The following FAM178B variants were observed in gnomAD, a reference collection of about 807,000 sequenced individuals.
FAM178B encodes the protein protein FAM178B.
In FAM178B, 82 loss-of-function variants were observed where a neutral mutation model predicts 91.7. That is an observed-to-expected ratio of 0.89 (90% CI 0.75 to 1.07). FAM178B has a LOEUF of 1.07. Ranked by LOEUF, FAM178B falls within the 50% of genes least tolerant of loss-of-function variation. The probability of loss-of-function intolerance (pLI) is 0.00; values close to 1 mark genes in which losing one functional copy is unlikely to be tolerated. For synonymous variants in FAM178B, 368 were observed against 359.4 expected, an observed-to-expected ratio of 1.02 and a Z score of -0.27; for missense variants, 769 against 846.7, an observed-to-expected ratio of 0.91 and a Z score of 1.14.
At chr2:96,967,813 T>G (rs2082163069) in intron 4 of FAM178B, among the ~76,000 whole-genome samples, 186 bp from the exon 5 acceptor site, 1 of 150,810 alleles carries the variant, frequency 6.6e-6, no homozygotes. Context: ...TTACATAGAC[T>G]GTGCTTTCCC....
intron 14 of FAM178B, among the ~76,000 whole-genome samples, chr2:96,887,892 G>C (rs1318976981): frequency 6.6e-6 from 1 of 152,228 alleles, no homozygotes; most frequent in African/African-American, 2.4e-5. Context: ...GAGCAGGCCC[G>C]GGTGCTGCCA....
Position 96,960,386 on chromosome 2 carries a change from T to C in FAM178B, c.789A>G (p.Pro263=). The change falls in exon 6 of 17, where the codon CCA becomes CCG. Residue 263 remains proline (P), a synonymous_variant. Transcript: ENST00000490605. ...ACCTGGGCAGAAACACAGTCTCACCTGGATGGACCGGCGGGATGGTCTGCA... is the reference window on the plus strand; with the variant it reads ...ACCTGGGCAGAAACACAGTCTCACCCGGATGGACCGGCGGGATGGTCTGCA... ...VSLQTIPPVH[P]GETVFLPRCH... The C allele has an allele frequency of 6.4e-7, 1 of 1,551,876 alleles. No homozygotes were observed. Among genetic ancestry groups the C allele is most frequent in the South Asian group, 1.2e-5 (1 of 84,064 alleles).
intron 8 of FAM178B, among the ~76,000 whole-genome samples, chr2:96,931,346 G>A (rs2081535227): frequency 6.6e-6 from 1 of 152,162 alleles, no homozygotes; most frequent in Non-Finnish European, 1.5e-5. Flanking sequence ...GGTCTAGGAG[G>A]AACAGAAGCC....
At chr2:96,882,808 C>T (rs913032593) in intron 14 of FAM178B, among the ~76,000 whole-genome samples, 6 of 152,230 alleles carry the variant, frequency 3.9e-5, no homozygotes, top group Non-Finnish European at 8.8e-5. Context: ...TGTCTGAAGA[C>T]GGGACCCAGC....
In FAM178B at chr2:96,900,943, C is replaced by G. The variant is rs72942918; in HGVS notation, c.1650+1677G>C. ...AGATGCACAGCCTCTAGCCAGAGCA[C>G]CCCTAGTGTAGCTGAGCTGGAAGGG... On this transcript the variant is annotated intron_variant, in intron 13 of 16. Transcript: ENST00000490605. Among the ~76,000 whole-genome samples, 343 of 152,282 alleles carry G rather than the reference C, an allele frequency of 2.3e-3. 2 individuals carry two copies. The highest frequency in any genetic ancestry group is 7.9e-3 in the African/African-American group (330 of 41,556).
At chr2:96,905,940 C>T (rs1265608619) in intron 12 of FAM178B, among the ~76,000 whole-genome samples, 8 of 136,340 alleles carry the variant, frequency 5.9e-5, no homozygotes, top group African/African-American at 8.2e-5. Flanking sequence ...GGTGCGATAT[C>T]GGCTCACCGC....
chr2:96,925,185 C>T (rs1454515567), intron 9 of FAM178B, among the ~76,000 whole-genome samples: 1 of 152,162 alleles, frequency 6.6e-6, no homozygotes, highest in Non-Finnish European at 1.5e-5. Flanking sequence ...TCAGGTTTCT[C>T]AGCACGGGGC....
chr2:96,986,117 T>C (rs1205387698), intron 1 of FAM178B, 124 bp downstream of exon 1: 8 of 1,470,512 alleles, frequency 5.4e-6, no homozygotes, highest in Non-Finnish European at 7.2e-6. Flanking sequence ...AGCGCCAGAG[T>C]AGCCCGGCGG....
intron 8 of FAM178B, among the ~76,000 whole-genome samples, chr2:96,933,444 C>T (rs1163953078): frequency 6.6e-6 from 1 of 152,030 alleles, no homozygotes; most frequent in African/African-American, 2.4e-5. Flanking sequence ...CCATCTGTGT[C>T]GTGGAAGAAG....
At chr2:96,941,865 G>A (rs913143815) in intron 8 of FAM178B, among the ~76,000 whole-genome samples, 1 of 152,204 alleles carries the variant, frequency 6.6e-6, no homozygotes, top group Admixed American at 6.5e-5. Flanking sequence ...ACTGGCACTA[G>A]GTTAACGGAC....
intron 12 of FAM178B, among the ~76,000 whole-genome samples, chr2:96,918,130 G>A (rs1486403897): frequency 7.0e-6 from 1 of 142,342 alleles, no homozygotes; most frequent in African/African-American, 2.6e-5. Context: ...AAACTGTCCT[G>A]TAAATCTAAA....
Position 96,944,407 on chromosome 2 carries a change from G to A in FAM178B, c.1078+3411C>T, listed in dbSNP as rs576671511. ...GTGACCTCTAAAGCCCGTGACCCCA[G>A]TTCTAATGAAACAAAATGGAAAAAC... On this transcript the variant is annotated intron_variant, in intron 8 of 16. Coordinates refer to ENST00000490605, the MANE Select transcript of FAM178B (RefSeq NM_001122646.3). Among the ~76,000 whole-genome samples the A allele has an allele frequency of 5.9e-5, 9 of 152,282 alleles. No homozygotes were observed. The South Asian group carries it at 1.9e-3, about 32-fold the overall frequency.
chr2:96,878,549 C>T (rs1260375582), intron 14 of FAM178B, 56 bp from the exon 15 acceptor site: 6 of 1,529,128 alleles, frequency 3.9e-6, no homozygotes, highest in South Asian at 1.1e-5. Flanking sequence ...GGCAGCATGG[C>T]GTGCCCTCCA....
chr2:96,967,506 C>G lies in FAM178B; in HGVS notation c.734+14G>C. 1 of 1,514,098 alleles carries G rather than the reference C, an allele frequency of 6.6e-7. No individual in the cohort carries two copies. Among genetic ancestry groups the G allele is most frequent in the African/African-American group, 1.4e-5 (1 of 72,486 alleles). 93.8% of individuals were successfully genotyped at this position (1,514,098 alleles called of 1,614,324 possible). ...TTCCCCTTCGGAGGCTGGTGCCAGG[C>G]CCCTGCCCCTCACCTGTGCTCGGGT... On this transcript the variant is annotated intron_variant, in intron 5 of 16. Transcript: ENST00000490605.
At chr2:96,950,476 G>A (rs1000153589) in intron 7 of FAM178B, among the ~76,000 whole-genome samples, 3 of 152,192 alleles carry the variant, frequency 2.0e-5, no homozygotes, top group Admixed American at 6.5e-5. Flanking sequence ...CCAGCCTGCC[G>A]AGGCCAAGCA....
At chr2:96,937,899 G>A (rs527916122) in intron 8 of FAM178B, among the ~76,000 whole-genome samples, 3 of 152,148 alleles carry the variant, frequency 2.0e-5, no homozygotes, top group African/African-American at 4.8e-5. Flanking sequence ...GTGGTGGCAC[G>A]CACCTGTAGT....
At chr2:96,876,898 A>G (rs2080256001) in intron 16 of FAM178B, among the ~76,000 whole-genome samples, 1 of 152,262 alleles carries the variant, frequency 6.6e-6, no homozygotes, top group African/African-American at 2.4e-5. Flanking sequence ...GGAGGGCACC[A>G]GCACAGGGGC....
At chr2:96,962,835 C>T (rs540833342) in intron 5 of FAM178B, among the ~76,000 whole-genome samples, 93 of 152,302 alleles carry the variant, frequency 6.1e-4, no homozygotes, top group African/African-American at 2.2e-3. Context: ...AATTAGATGA[C>T]GCCTTGTCTG....
chr2:96,877,547 C>T (rs1055092313), intron 16 of FAM178B, among the ~76,000 whole-genome samples: 5 of 152,150 alleles, frequency 3.3e-5, no homozygotes, highest in African/African-American at 4.8e-5. Flanking sequence ...GGATTACAGG[C>T]GCACACCACC....
Sources: gnomAD v4.1 joint callset for allele counts (sites outside exome capture counted in the v4.1 genomes callset) on GRCh38, gnomAD v4.1.1 for gene constraint, MANE v1.5 for transcripts, NCBI Gene and HGNC (gene_info 2026-07-23, HGNC 2026-07-21) for gene names.